ASPM: variants seen among roughly 807,000 people sequenced by gnomAD.
ASPM encodes assembly factor for spindle microtubules, also known as abnormal spindle-like microcephaly-associated protein.
In ASPM, 256 loss-of-function variants were observed where a neutral mutation model predicts 366.4. The ratio of observed to expected loss-of-function variants is 0.70; its 90% CI spans 0.63 to 0.77. The LOEUF (loss-of-function observed/expected upper bound fraction) is 0.77, where lower values mean the gene tolerates loss of function less well. ASPM is among the 30% of genes least tolerant of loss of function. The pLI, the probability that ASPM is intolerant of heterozygous loss-of-function variation, is 0.00. For synonymous variants in ASPM, 1,414 were observed against 1,342.9 expected, an observed-to-expected ratio of 1.05 and a Z score of -1.16; for missense variants, 4,146 against 4,090.4, an observed-to-expected ratio of 1.01 and a Z score of -0.37.
rs756975140 is a variant in ASPM, at chr1:197,088,291, A to G, written c.10126T>C (p.Leu3376=). The change falls in exon 26 of 28, where the codon TTG becomes CTG. Residue 3376 remains leucine (L), a synonymous_variant. Coordinates refer to ENST00000367409, the MANE Select transcript of ASPM (RefSeq NM_018136.5). ...GSIFTKTCCL[L]AILLKTTNRA... The stretch of plus-strand genomic sequence containing the variant: ...TTTGTTGTCTTCAGTAAAATAGCCA[A>G]CAAACAACAAGTTTTTGTAAAAATG... The G allele has an allele frequency of 1.2e-6, 2 of 1,613,350 alleles. No individual in the cohort carries two copies. Among genetic ancestry groups the G allele is most frequent in the African/African-American group, 2.7e-5 (2 of 74,868 alleles).
chr1:197,100,444 G>T lies in ASPM; in HGVS notation c.8807C>A (p.Thr2936Asn). The part of the protein sequence containing the change: ...KRKFQEIKNS[T>N]IKIQAMWRRY... ...ATATAGAAATACCTGAATTTTTATG[G>T]TGCTATTTTTAATTTCCTGAAACTT... Residue 2936 changes from threonine to asparagine, a missense_variant, in exon 18 of 28, where the codon ACC becomes AAC. By Grantham distance (65) the Thr-to-Asn change is moderately conservative. Around this residue, in one of 3 missense-constraint regions of ASPM, gnomAD observed 3,624 missense variants for 3,591.7 expected, o/e 1.01. Coordinates refer to ENST00000367409, the MANE Select transcript of ASPM (RefSeq NM_018136.5). 6.5e-7 allele frequency: 1 copy of T among 1,543,694 alleles called. No individual in the cohort carries two copies.
At chr1:197,134,373 A>G (rs1361764029) in intron 5 of ASPM, among the ~76,000 whole-genome samples, 1 of 152,030 alleles carries the variant, frequency 6.6e-6, no homozygotes, top group Non-Finnish European at 1.5e-5. Context: ...GATCACACCA[A>G]TGCACTCCAG....
Position 197,143,545 on chromosome 1 carries a change from C to A in ASPM, c.707G>T (p.Cys236Phe), listed in dbSNP as rs764828729. ...AGATCGACGTACAGAGAGTGGCAAG[C>A]AAGTTGCACCATGGCATTCATTGAA... Reference protein sequence around the residue: ...PAFNECHGATCLPLSVRRSTT... With the variant: ...PAFNECHGATFLPLSVRRSTT... The change falls in exon 3 of 28, where the codon TGC becomes TTC. Residue 236 changes from cysteine (C) to phenylalanine (F), a missense_variant. Physicochemically the swap from Cys to Phe is radical, Grantham distance 205. Around this residue, in one of 3 missense-constraint regions of ASPM, gnomAD observed 512 missense variants for 471.7 expected, o/e 1.09. Coordinates refer to ENST00000367409, the MANE Select transcript of ASPM (RefSeq NM_018136.5). 1.9e-6 allele frequency: 3 copies of A among 1,613,740 alleles called. No individual in the cohort carries two copies. Among genetic ancestry groups the A allele is most frequent in the Non-Finnish European group, 2.5e-6 (3 of 1,179,916 alleles).
At chr1:197,114,866 A>C (rs1657697161) in intron 17 of ASPM, among the ~76,000 whole-genome samples, 1 of 152,214 alleles carries the variant, frequency 6.6e-6, no homozygotes, top group Admixed American at 6.5e-5. Context: ...TGCCTGCCTC[A>C]GCCTCCCAAG....
At chr1:197,089,108 C>T (rs1040835871) in intron 25 of ASPM, among the ~76,000 whole-genome samples, 1 of 151,924 alleles carries the variant, frequency 6.6e-6, no homozygotes, top group Non-Finnish European at 1.5e-5. Flanking sequence ...TTACTATACT[C>T]ATTTTATAGT....
At position 197,097,462 on chromosome 1, in the gene ASPM, C is replaced by T. The variant is rs908524547; in HGVS notation, c.8821-1298G>A. On this transcript the variant is annotated intron_variant, in intron 18 of 27. Transcript: ENST00000367409. Reference sequence around the variant, plus strand: ...TTAAATAATTCCTCCTCAAATCCCTCGGTCTCTCTGATTCCTTAATTATCC... The same window carrying T: ...TTAAATAATTCCTCCTCAAATCCCTTGGTCTCTCTGATTCCTTAATTATCC... Among the ~76,000 whole-genome samples the T allele has an allele frequency of 6.6e-6, 1 of 151,642 alleles. No individual in the cohort carries two copies. Among genetic ancestry groups the T allele is most frequent in the African/African-American group, 2.4e-5 (1 of 41,346 alleles).
intron 18 of ASPM, among the ~76,000 whole-genome samples, chr1:197,097,883 T>C (rs565410257): frequency 6.6e-6 from 1 of 151,664 alleles, no homozygotes; most frequent in South Asian, 2.1e-4. Context: ...CAGTACTTTT[T>C]AATGAAAACA....
chr1:197,085,528 A>T (rs185196506), intron 27 of ASPM, among the ~76,000 whole-genome samples: 1 of 152,230 alleles, frequency 6.6e-6, no homozygotes, highest in African/African-American at 2.4e-5. Context: ...GTGAGTGAAC[A>T]AAGTGTGGTA....
rs56912014 is a variant in ASPM, at chr1:197,117,942, G to T, written c.3912C>A (p.Ile1304=). The change falls in exon 17 of 28, where the codon ATC becomes ATA. Residue 1304 remains isoleucine, a synonymous_variant. Transcript: ENST00000367409. ...KAARIIQLAV[I]NFLAKQRLRK... is the part of the protein sequence containing the mutation. ...TCAATCTTTGTTTTGCTAGAAAATT[G>T]ATTACAGCCAATTGAATAATTCTTG... The T allele has an allele frequency of 2.6e-3, 4,197 of 1,613,374 alleles. 88 individuals are homozygous for T. The African/African-American group carries it at 0.046, about 18-fold the overall frequency.
rs1052013898 is a variant in ASPM, at chr1:197,104,622, T to G, written c.4629A>C (p.Gln1543His). 6.2e-7 allele frequency: 1 copy of G among 1,613,042 alleles called. No individual in the cohort carries two copies. The highest frequency in any genetic ancestry group is 1.3e-5 in the African/African-American group (1 of 74,970). ...NYLQKRAAAI[Q>H]LQAAFRRLKA... ...TCAGTCTCCTAAAAGCAGCTTGTAA[T>G]TGAATGGCTGCAGCTCGTTTCTGCA... Residue 1543 changes from glutamine (Q) to histidine (H), a missense_variant, in exon 18 of 28, where the codon CAA becomes CAC. Around this residue, in one of 3 missense-constraint regions of ASPM, gnomAD observed 3,624 missense variants for 3,591.7 expected, o/e 1.01. Coordinates refer to ENST00000367409, the MANE Select transcript of ASPM (RefSeq NM_018136.5).
rs1039487562 is a variant in ASPM at position 197,089,920 on chromosome 1, G to A, written c.9984+10C>T. 8.7e-6 allele frequency: 14 copies of A among 1,611,588 alleles called. No homozygotes were observed. The highest frequency in any genetic ancestry group is 1.1e-5 in the Non-Finnish European group (13 of 1,178,252). ...CCAGTGAATATCTCATTAATAAAAT[G>A]AAAAACTACCTTAGATACATTAAGC... On this transcript the variant is annotated intron_variant, in intron 25 of 27. Coordinates refer to ENST00000367409, the MANE Select transcript of ASPM (RefSeq NM_018136.5).
Position 197,104,554 on chromosome 1 carries a change from A to G in ASPM, c.4697T>C (p.Ile1566Thr), listed in dbSNP as rs1175746190. Residue 1566 changes from isoleucine (I) to threonine (T), a missense_variant, in exon 18 of 28, where the codon ATT (isoleucine) becomes ACT (threonine). By Grantham distance (89) the Ile-to-Thr change is moderately conservative (BLOSUM62 -1). Around this residue, in one of 3 missense-constraint regions of ASPM, gnomAD observed 3,624 missense variants for 3,591.7 expected, o/e 1.01. Coordinates refer to ENST00000367409, the MANE Select transcript of ASPM (RefSeq NM_018136.5). ...TTGTCTCATTCTCCAGTATGACTGA[A>G]TAACACAAGCAGCTCTAATTTGTCT... ...LCRQIRAACV[I>T]QSYWRMRQDR... 1 of 1,612,812 alleles carries G rather than the reference A, an allele frequency of 6.2e-7. No individual in the cohort carries two copies. Among genetic ancestry groups the G allele is most frequent in the Non-Finnish European group, 8.5e-7 (1 of 1,179,364 alleles).
chr1:197,093,688 C>T (rs1276536483), intron 20 of ASPM, among the ~76,000 whole-genome samples: 1 of 151,670 alleles, frequency 6.6e-6, no homozygotes, highest in East Asian at 1.9e-4. Flanking sequence ...AATTACGTAA[C>T]AACCTGTGAG....
At chr1:197,088,457 A>G in intron 25 of ASPM, 25 bp from the exon 26 acceptor site, 1 of 1,568,386 alleles carries the variant, frequency 6.4e-7, no homozygotes, top group East Asian at 2.2e-5. Context: ...AATGAAATTA[A>G]AAGTTGTAAT....
In ASPM at chr1:197,101,900, A is replaced by G. The variant is rs777904899; in HGVS notation, c.7351T>C (p.Leu2451=). ...YRATICAKHK[L]YQFLHLRKAA... Reference sequence around the variant, plus strand: ...TTTCTTAAGTGCAAGAATTGGTACAATTTATGTTTGGCACAAATGGTGGCT... The same window carrying G: ...TTTCTTAAGTGCAAGAATTGGTACAGTTTATGTTTGGCACAAATGGTGGCT... Residue 2451 remains leucine (L), a synonymous_variant, in exon 18 of 28, where the codon TTG becomes CTG. Transcript: ENST00000367409. 6.2e-7 allele frequency: 1 copy of G among 1,612,888 alleles called. No individual in the cohort carries two copies. The highest frequency in any genetic ancestry group is 8.5e-7 in the Non-Finnish European group (1 of 1,179,322).
In ASPM at chr1:197,146,138, T is replaced by C. The variant is rs775965828; in HGVS notation, c.297+3A>G. ...CCTGGAGCACGCTCCTCCTGAGACC[T>C]ACCTGCAACACGAAACAGCGCTGCG... On this transcript the variant is annotated splice_donor_region_variant and intron_variant, in intron 1 of 27. Transcript: ENST00000367409. 3.7e-6 allele frequency: 6 copies of C among 1,613,874 alleles called. No individual in the cohort carries two copies. The Admixed American group carries it at 6.7e-5, about 18-fold the overall frequency.
intron 3 of ASPM, among the ~76,000 whole-genome samples, chr1:197,141,973 C>T (rs1658596834): frequency 6.6e-6 from 1 of 152,140 alleles, no homozygotes; most frequent in Non-Finnish European, 1.5e-5. Flanking sequence ...CTGGCTGCCT[C>T]AAACAAACAG....
At chr1:197,128,001 T>C (rs1658140123) in intron 10 of ASPM, among the ~76,000 whole-genome samples, 1 of 151,844 alleles carries the variant, frequency 6.6e-6, no homozygotes, top group African/African-American at 2.4e-5. Flanking sequence ...CCGTCTCTAC[T>C]AAAAATACAA....
At chr1:197,113,625 A>G (rs1189093666) in intron 17 of ASPM, among the ~76,000 whole-genome samples, 1 of 152,138 alleles carries the variant, frequency 6.6e-6, no homozygotes, top group Admixed American at 6.6e-5. Context: ...CACTCCTTAT[A>G]TAATACACAA....
Sources: gnomAD v4.1 joint callset for allele counts (sites outside exome capture counted in the v4.1 genomes callset) on GRCh38, gnomAD v4.1.1 for gene constraint, gnomAD v4.1.1 regional missense constraint, MANE v1.5 for transcripts, NCBI Gene and HGNC (gene_info 2026-07-23, HGNC 2026-07-21) for gene names.